Variants in RORA observed in about 807,000 individuals in gnomAD.
RORA encodes RAR related orphan receptor A.
RORA carries 7 observed loss-of-function variants against 69.5 expected under a neutral mutation model. That is an observed-to-expected ratio of 0.10 (90% CI 0.06 to 0.19). RORA has a LOEUF of 0.19. RORA is among the 10% of genes least tolerant of loss of function. The pLI is 1.00. For synonymous variants in RORA, 261 were observed against 240.8 expected (o/e 1.08, Z -0.78); for missense variants, 457 against 663.0 (o/e 0.69, Z 3.41).
intron 1 of RORA, among the ~76,000 whole-genome samples, chr15:60,945,349 C>G (rs141152630): frequency 2.6e-5 from 4 of 152,250 alleles, no homozygotes; most frequent in African/African-American, 9.6e-5. Flanking sequence ...TGGCTTCTTG[C>G]ATGGAGGCAA....
At chr15:61,031,168 T>C (rs374793429) in intron 1 of RORA, among the ~76,000 whole-genome samples, 1 of 152,142 alleles carries the variant, frequency 6.6e-6, no homozygotes, top group Admixed American at 6.6e-5. Flanking sequence ...TCCAAAAGTA[T>C]TATTAGCTAG....
At chr15:60,957,103 C>T (rs1893289543) in intron 1 of RORA, among the ~76,000 whole-genome samples, 3 of 152,318 alleles carry the variant, frequency 2.0e-5, no homozygotes, top group Non-Finnish European at 1.5e-5. Context: ...TCCTAAGTGC[C>T]AGGCACTGTG....
chr15:60,798,553 A>C (rs1453464768), intron 1 of RORA, among the ~76,000 whole-genome samples: 1 of 151,956 alleles, frequency 6.6e-6, no homozygotes, highest in Non-Finnish European at 1.5e-5. Context: ...GCAAGAAGCA[A>C]GTATTCACCA....
intron 1 of RORA, among the ~76,000 whole-genome samples, chr15:60,927,130 G>A (rs1426306388): frequency 6.6e-6 from 1 of 152,178 alleles, no homozygotes; most frequent in Non-Finnish European, 1.5e-5. Context: ...TTTCTAAGCA[G>A]GTGCACGCTA....
chr15:60,742,555 T>C (rs2071588277), intron 1 of RORA, among the ~76,000 whole-genome samples: 1 of 152,260 alleles, frequency 6.6e-6, no homozygotes, highest in African/African-American at 2.4e-5. Context: ...TTGTGGTCAC[T>C]ACGATGTTCA....
chr15:60,958,696 C>A (rs1210252950), intron 1 of RORA, among the ~76,000 whole-genome samples: 4 of 152,188 alleles, frequency 2.6e-5, no homozygotes, highest in African/African-American at 9.7e-5. Flanking sequence ...AATGCCTAAT[C>A]TGGTGACTGA....
chr15:60,655,088 AT>A (rs1447794470), intron 2 of RORA, among the ~76,000 whole-genome samples: 1 of 152,194 alleles, frequency 6.6e-6, no homozygotes, highest in Admixed American at 6.5e-5. Flanking sequence ...TCGTAAAGTA[AT>A]ATTTGTTGGA....
At chr15:60,714,961 T>G (rs2071200890) in intron 1 of RORA, among the ~76,000 whole-genome samples, 1 of 152,086 alleles carries the variant, frequency 6.6e-6, no homozygotes, top group East Asian at 1.9e-4. Context: ...AAGTGAGGGG[T>G]AAAGATGGGG....
chr15:60,750,779 G>A (rs961235024), intron 1 of RORA, among the ~76,000 whole-genome samples: 3 of 152,160 alleles, frequency 2.0e-5, no homozygotes, highest in Non-Finnish European at 4.4e-5. Context: ...TTCAGGGAAG[G>A]TATTCAGTAT....
At chr15:60,604,903 C>G (rs575793194) in intron 2 of RORA, among the ~76,000 whole-genome samples, 1 of 152,290 alleles carries the variant, frequency 6.6e-6, no homozygotes, top group African/African-American at 2.4e-5. Context: ...TAGTATCTGG[C>G]ACACTGTTGA....
intron 2 of RORA, chr15:60,614,867 A>C (rs750419552): frequency 1.3e-6 from 2 of 1,595,818 alleles, no homozygotes; most frequent in Non-Finnish European, 1.7e-6. Flanking sequence ...AGCTGCCTGG[A>C]GCATAGTAAG....
intron 1 of RORA, among the ~76,000 whole-genome samples, chr15:61,078,329 CTGTGTGTGTGTG>C (rs56676588): frequency 1.8e-4 from 24 of 133,252 alleles, no homozygotes; most frequent in Admixed American, 3.8e-4. Flanking sequence ...ACACCTGGCT[CTGTGTGTGTGTG>C]TGTGTGTGTG....
chr15:61,085,121 C>T (rs7181279), intron 1 of RORA, among the ~76,000 whole-genome samples: 2,129 of 152,264 alleles, frequency 0.014, 51 homozygotes, highest in African/African-American at 0.049. Context: ...GCAGGGTCAC[C>T]AGGCTTTTAA....
intron 1 of RORA, among the ~76,000 whole-genome samples, chr15:61,060,846 A>G (rs1057476540): frequency 7.9e-5 from 12 of 152,204 alleles, no homozygotes; most frequent in African/African-American, 2.7e-4. Context: ...AGCCAAAAAA[A>G]AAATTACAAA....
chr15:60,819,767 A>ACACACACACACACACACACACGCGCG, intron 1 of RORA, among the ~76,000 whole-genome samples: 1 of 147,634 alleles, frequency 6.8e-6, no homozygotes, highest in Admixed American at 6.8e-5. Context: ...ACACACACAC[A>ACACACACACACACACACACACGCGCG]CACACACACA....
chr15:60,918,622 G>A (rs1457695054), intron 1 of RORA, among the ~76,000 whole-genome samples: 2 of 152,152 alleles, frequency 1.3e-5, no homozygotes, highest in Non-Finnish European at 2.9e-5. Flanking sequence ...TTATGAAAGG[G>A]ACTTTATCTT....
chr15:61,033,171 A>C (rs1489911537), intron 1 of RORA, among the ~76,000 whole-genome samples: 1 of 152,168 alleles, frequency 6.6e-6, no homozygotes, highest in Non-Finnish European at 1.5e-5. Flanking sequence ...TGAGCTTGGA[A>C]CAAATTTAGG....
chr15:60,505,755 C>T lies in RORA; in HGVS notation c.821-126G>A, dbSNP rs1029998112. On this transcript the variant is annotated intron_variant, in intron 5 of 10. Transcript: ENST00000335670. ...GCTGTGCGAGTTTTGACTGTCTTTA[C>T]ACATTTAAACAAGTAATTTGGAACT... 6 of 1,035,752 alleles carry T rather than the reference C, an allele frequency of 5.8e-6. No individual in the cohort carries two copies. In the Admixed American group the frequency reaches 1.3e-4, roughly 23 times the overall value. The allele number at this position is 1,035,752 out of a possible 1,614,324, so 64.2% of individuals were successfully genotyped here. A position where few individuals can be genotyped will look rare whatever the true frequency, so the allele number is the denominator to read the frequency against.
At chr15:61,100,476 G>A (rs1315355108) in intron 1 of RORA, among the ~76,000 whole-genome samples, 1 of 152,128 alleles carries the variant, frequency 6.6e-6, no homozygotes, top group Non-Finnish European at 1.5e-5. Flanking sequence ...TGCAAAGCTG[G>A]AAGAACAGGC....
Sources: allele counts gnomAD v4.1 joint callset (sites outside exome capture counted in the v4.1 genomes callset), GRCh38; gene constraint gnomAD v4.1.1; transcripts MANE v1.5; gene names NCBI Gene and HGNC (gene_info 2026-07-23, HGNC 2026-07-21).